Variants in CTNNA2 observed in about 807,000 individuals in gnomAD.
CTNNA2 encodes catenin alpha 2.
A neutral mutation model predicts 101.0 loss-of-function variants in CTNNA2; 42 were observed. The ratio of observed to expected loss-of-function variants is 0.42; its 90% CI spans 0.32 to 0.54. The LOEUF (loss-of-function observed/expected upper bound fraction) is 0.54. Among genes scored for constraint, CTNNA2 ranks in the 20% least tolerant of loss-of-function variants. The probability of loss-of-function intolerance (pLI) is 0.14; values close to 1 mark genes in which losing one functional copy is unlikely to be tolerated. For missense variants in CTNNA2, 871 were observed against 1,223.1 expected, an observed-to-expected ratio of 0.71 and a Z score of 4.29; for synonymous variants, 450 against 456.4, an observed-to-expected ratio of 0.99 and a Z score of 0.18.
chr2:79,540,332 A>G (rs2103984602), intron 1 of CTNNA2, among the ~76,000 whole-genome samples: 1 of 152,264 alleles, frequency 6.6e-6, no homozygotes, highest in East Asian at 1.9e-4. Context: ...GCATATAACA[A>G]TATTACTTAC....
intron 7 of CTNNA2, among the ~76,000 whole-genome samples, chr2:80,232,294 C>A (rs112232781): frequency 0.011 from 1,573 of 142,040 alleles, 31 homozygotes; most frequent in African/African-American, 0.038. Context: ...TGGAATAAAT[C>A]TCTTCAAATA....
intron 6 of CTNNA2, among the ~76,000 whole-genome samples, chr2:79,908,004 A>G (rs1163393554): frequency 6.6e-6 from 1 of 152,206 alleles, no homozygotes; most frequent in Non-Finnish European, 1.5e-5. Context: ...TGGAGCCCAG[A>G]TATTCTGCAC....
chr2:80,490,015 A>G (rs1035898880), intron 9 of CTNNA2, among the ~76,000 whole-genome samples: 8 of 152,178 alleles, frequency 5.3e-5, no homozygotes, highest in Admixed American at 1.3e-4. Context: ...AACCTTTACA[A>G]TACCTGTCAA....
rs1671184660 is a variant in CTNNA2, at chr2:80,244,561, C to A, written c.1057-148650C>A. Among the ~76,000 whole-genome samples the A allele has an allele frequency of 2.0e-5, 3 of 152,304 alleles. No homozygotes were observed. In the South Asian group the frequency reaches 6.2e-4, roughly 32 times the overall value. ...CTCAGATGGTCCACATAACACTGCT[C>A]AAACAGAACAAGTCCACAGTATAAG... On this transcript the variant is annotated intron_variant, in intron 7 of 18. Coordinates refer to ENST00000402739, the MANE Select transcript of CTNNA2 (RefSeq NM_001282597.3).
intron 1 of CTNNA2, among the ~76,000 whole-genome samples, chr2:79,637,467 T>A (rs1183398939): frequency 6.6e-6 from 1 of 152,234 alleles, no homozygotes; most frequent in African/African-American, 2.4e-5. Context: ...TGATTATGGC[T>A]GATGCCCACA....
chr2:80,227,575 C>G (rs1027181193), intron 7 of CTNNA2, among the ~76,000 whole-genome samples: 1 of 152,186 alleles, frequency 6.6e-6, no homozygotes, highest in Non-Finnish European at 1.5e-5. Flanking sequence ...GCTGATGGCT[C>G]TTTCTGTCCA....
At chr2:79,763,342 C>G (rs1200524076) in intron 3 of CTNNA2, among the ~76,000 whole-genome samples, 1 of 152,240 alleles carries the variant, frequency 6.6e-6, no homozygotes, top group Non-Finnish European at 1.5e-5. Flanking sequence ...TTCTTTCATG[C>G]AGCAGCAATT....
intron 1 of CTNNA2, among the ~76,000 whole-genome samples, chr2:79,543,823 T>C (rs915254873): frequency 6.6e-6 from 1 of 152,194 alleles, no homozygotes; most frequent in Non-Finnish European, 1.5e-5. Flanking sequence ...TTTGAAAATA[T>C]TAAAGAATAA....
chr2:80,016,346 A>G (rs895274753), intron 7 of CTNNA2, among the ~76,000 whole-genome samples: 13 of 152,122 alleles, frequency 8.5e-5, no homozygotes, highest in African/African-American at 3.1e-4. Flanking sequence ...CTGGGTCAAT[A>G]CGGAGTGCCA....
At chr2:80,123,538 T>C (rs1701959559) in intron 7 of CTNNA2, among the ~76,000 whole-genome samples, 1 of 152,092 alleles carries the variant, frequency 6.6e-6, no homozygotes, top group East Asian at 1.9e-4. Context: ...TTCCAGAAAC[T>C]GGTCTAGGCA....
chr2:80,526,807 A>G (rs1178454023), intron 9 of CTNNA2, among the ~76,000 whole-genome samples: 1 of 152,244 alleles, frequency 6.6e-6, no homozygotes, highest in East Asian at 1.9e-4. Flanking sequence ...AGAATTGAAT[A>G]AAATAATATT....
At chr2:79,692,640 A>G (rs1166183662) in intron 2 of CTNNA2, among the ~76,000 whole-genome samples, 1 of 152,100 alleles carries the variant, frequency 6.6e-6, no homozygotes, top group Non-Finnish European at 1.5e-5. Context: ...CCCATCATTG[A>G]TAGACTGGAT....
At chr2:80,628,341 C>T (rs1671906670) in intron 18 of CTNNA2, among the ~76,000 whole-genome samples, 1 of 152,004 alleles carries the variant, frequency 6.6e-6, no homozygotes, top group Non-Finnish European at 1.5e-5. Flanking sequence ...AAGCTGGAGG[C>T]ATCACGTTAC....
chr2:79,763,841 T>G (rs1011002925), intron 3 of CTNNA2, among the ~76,000 whole-genome samples: 1 of 152,210 alleles, frequency 6.6e-6, no homozygotes, highest in Non-Finnish European at 1.5e-5. Flanking sequence ...AGGACATAGA[T>G]TTTCAGGTAT....
chr2:79,753,041 G>T (rs979936548), intron 3 of CTNNA2, among the ~76,000 whole-genome samples: 2 of 152,160 alleles, frequency 1.3e-5, no homozygotes, highest in African/African-American at 2.4e-5. Flanking sequence ...AAAGACAGAG[G>T]TGTTTTTAAT....
In CTNNA2 at chr2:80,163,165, G is replaced by A. The variant is rs1438080307; in HGVS notation, c.1057-230046G>A. The A allele has an allele frequency of 1.4e-5, 21 of 1,458,116 alleles. No homozygotes were observed. In the South Asian group the frequency reaches 1.6e-4, roughly 11 times the overall value. The allele number at this position is 1,458,116 out of a possible 1,614,324, so 90.3% of individuals were successfully genotyped here. The stretch of plus-strand genomic sequence containing the variant: ...CTGGCCCAGCCTGGTGGAAAACCTC[G>A]AAAAGGAGCTCCTCGGTCACTTTCA... On this transcript the variant is annotated intron_variant, in intron 7 of 18. Coordinates refer to ENST00000402739, the MANE Select transcript of CTNNA2 (RefSeq NM_001282597.3).
At chr2:79,874,381 G>A (rs1300771826) in intron 6 of CTNNA2, 39 bp downstream of exon 6, 1 of 1,572,236 alleles carries the variant, frequency 6.4e-7, no homozygotes, top group Admixed American at 1.9e-5. Context: ...GGTGGGCACT[G>A]GTGTTGACAA....
At chr2:80,154,233 AT>A (rs923006646) in intron 7 of CTNNA2, among the ~76,000 whole-genome samples, 1 of 151,762 alleles carries the variant, frequency 6.6e-6, no homozygotes, top group Non-Finnish European at 1.5e-5. Context: ...GCTATTAAGC[AT>A]TTTTTTTCCT....
intron 4 of CTNNA2, among the ~76,000 whole-genome samples, chr2:79,440,471 T>G (rs747058974): frequency 2.0e-5 from 3 of 152,174 alleles, no homozygotes; most frequent in Admixed American, 6.5e-5. Context: ...TTAAGTACAC[T>G]ACTATTTTTA....
Sources: gnomAD v4.1 joint callset for allele counts (sites outside exome capture counted in the v4.1 genomes callset) on GRCh38, gnomAD v4.1.1 for gene constraint, MANE v1.5 for transcripts, NCBI Gene and HGNC (gene_info 2026-07-23, HGNC 2026-07-21) for gene names.